Variants in FIZ1 observed in about 807,000 individuals in gnomAD.
FIZ1 encodes the protein flt3-interacting zinc finger protein 1.
Under a neutral mutation model 5.3 loss-of-function variants are expected in FIZ1, and 2 were observed. That is an observed-to-expected ratio of 0.37 (90% CI 0.15 to 1.18). The LOEUF (loss-of-function observed/expected upper bound fraction) is 1.18. FIZ1 is among the 50% of genes most tolerant of loss of function. The probability of loss-of-function intolerance (pLI) is 0.37; values close to 1 mark genes in which losing one functional copy is unlikely to be tolerated. For synonymous variants in FIZ1, 407 were observed against 364.2 expected (o/e 1.12, Z -1.34); for missense variants, 631 against 749.7 (o/e 0.84, Z 1.85).
At chr19:55,597,394 A>G (rs1045630453) in intron 2 of FIZ1, among the ~76,000 whole-genome samples, 178 bp downstream of exon 2, 1 of 152,226 alleles carries the variant, frequency 6.6e-6, no homozygotes, top group African/African-American at 2.4e-5. Flanking sequence ...AATGAGAAAT[A>G]GCGCATGCTT....
intron 1 of FIZ1, 89 bp from the exon 2 acceptor site, chr19:55,597,990 C>A: frequency 7.4e-7 from 1 of 1,349,318 alleles, no homozygotes; most frequent in Non-Finnish European, 9.9e-7. Flanking sequence ...ACCACCTGTC[C>A]CCTGGGAGAC....
At chr19:55,599,355 T>C (rs1172152683) in intron 1 of FIZ1, 119 bp downstream of exon 1, 3 of 152,222 alleles carry the variant, frequency 2.0e-5, no homozygotes, top group Non-Finnish European at 4.4e-5. Context: ...GGGGGGCAGG[T>C]CGGGCAGGCC....
At chr19:55,594,574 G>A (rs1980227391) in intron 2 of FIZ1, among the ~76,000 whole-genome samples, 2 of 150,998 alleles carry the variant, frequency 1.3e-5, no homozygotes, top group South Asian at 4.2e-4. Context: ...GCGGGCGCCT[G>A]TAGTCCCAGC....
At chr19:55,594,808 T>C (rs111998715) in intron 2 of FIZ1, among the ~76,000 whole-genome samples, 12 of 151,908 alleles carry the variant, frequency 7.9e-5, no homozygotes, top group African/African-American at 2.7e-4. Flanking sequence ...GTCTTCTCCC[T>C]TGTCAAGCCC....
Position 55,592,375 on chromosome 19 carries a change from C to G in FIZ1, c.*75G>C, listed in dbSNP as rs547018333. 8.8e-6 allele frequency: 12 copies of G among 1,367,342 alleles called. No individual in the cohort carries two copies. The highest frequency in any genetic ancestry group is 1.1e-5 in the Non-Finnish European group (11 of 1,024,652). The allele number at this position is 1,367,342 out of a possible 1,614,324, so 84.7% of individuals were successfully genotyped here. ...GGATTTGGAGGGCCGGGGCCTCACG[C>G]GCAGTCCCGAGGTCCCCTGGTCCAG... On this transcript the variant is annotated 3_prime_UTR_variant, in exon 3 of 3. Transcript: ENST00000221665. This position sits in a 1 kb window ranked among gnomAD's most constrained non-coding sequence, Gnocchi z 6.9.
At chr19:55,598,563 G>C (rs1395243977) in intron 1 of FIZ1, 1 of 152,476 alleles carries the variant, frequency 6.6e-6, no homozygotes, top group African/African-American at 2.4e-5. Context: ...TTAAGCTGGT[G>C]CACAGCAAAG....
At position 55,593,569 on chromosome 19, in the gene FIZ1, G is replaced by A. The variant is rs1460250505; in HGVS notation, c.372C>T (p.Arg124=). 1 of 1,551,166 alleles carries A rather than the reference G, an allele frequency of 6.4e-7. No homozygotes were observed. Among genetic ancestry groups the A allele is most frequent in the Admixed American group, 2.0e-5 (1 of 50,990 alleles). ...LRFSSRSSLG[R]HLKRQHRGVL... is the part of the protein sequence containing the mutation. Reference sequence around the variant, plus strand: ...CCCCACGGTGCTGGCGCTTGAGGTGGCGGCCCAGGCTGGAGCGTGAGGAGA... The same window carrying A: ...CCCCACGGTGCTGGCGCTTGAGGTGACGGCCCAGGCTGGAGCGTGAGGAGA... Residue 124 remains arginine (R), a synonymous_variant, in exon 3 of 3, where the codon CGC becomes CGT. Transcript: ENST00000221665. This position sits in a 1 kb window ranked among gnomAD's most constrained non-coding sequence, Gnocchi z 6.3.
chr19:55,598,974 C>T (rs1980478548), intron 1 of FIZ1: 1 of 152,762 alleles, frequency 6.5e-6, no homozygotes, highest in South Asian at 2.0e-4. Flanking sequence ...CCTCCTGCTT[C>T]CTGGGCTCCC....
rs1568515303 is a variant in FIZ1, at chr19:55,592,861, G to A, written c.1080C>T (p.Cys360=). The change falls in exon 3 of 3, where the codon TGC becomes TGT. Residue 360 remains cysteine, a synonymous_variant. Coordinates refer to ENST00000221665, the MANE Select transcript of FIZ1 (RefSeq NM_032836.3). This position sits in a 1 kb window ranked among gnomAD's most constrained non-coding sequence, Gnocchi z 6.9. ...EAHSGPATYG[C]GHCGALYAAL... Reference sequence around the variant, plus strand: ...CCGCGTACAGAGCCCCGCAGTGGCCGCAGCCGTAGGTGGCCGGGCCCGAGT... The same window carrying A: ...CCGCGTACAGAGCCCCGCAGTGGCCACAGCCGTAGGTGGCCGGGCCCGAGT... 1.9e-6 allele frequency: 3 copies of A among 1,542,520 alleles called. No homozygotes were observed. The highest frequency in any genetic ancestry group is 1.4e-5 in the African/African-American group (1 of 72,530).
In FIZ1 at chr19:55,592,775, G is replaced by GCCT; in HGVS notation, c.1163_1165dup (p.Glu388dup). On this transcript the variant is annotated inframe_insertion, in exon 3 of 3. Coordinates refer to ENST00000221665, the MANE Select transcript of FIZ1 (RefSeq NM_032836.3). This position sits in a 1 kb window ranked among gnomAD's most constrained non-coding sequence, Gnocchi z 6.9. ...TTCCCTTTCCCGGGCGGCGGTCGCC[G>GCCT]CCTCCTCCCCGCCGCCCTCACCGTG... is the stretch of plus-strand genomic sequence containing the variant. The GCCT allele has an allele frequency of 6.3e-7, 1 of 1,597,366 alleles. No homozygotes were observed. The highest frequency in any genetic ancestry group is 2.2e-5 in the East Asian group (1 of 44,624).
rs1435195545 is a variant in FIZ1 at position 55,593,942 on chromosome 19, T to C, written c.295-296A>G. Among the ~76,000 whole-genome samples, 2 of 151,952 alleles carry C rather than the reference T, an allele frequency of 1.3e-5. No homozygotes were observed. The highest frequency in any genetic ancestry group is 2.4e-5 in the African/African-American group (1 of 41,348). On this transcript the variant is annotated intron_variant, in intron 2 of 2. Coordinates refer to ENST00000221665, the MANE Select transcript of FIZ1 (RefSeq NM_032836.3). This position sits in a 1 kb window ranked among gnomAD's most constrained non-coding sequence, Gnocchi z 6.3. ...AGGCAACACAGGGAAACCTTGTCTC[T>C]ACAAATAATTTTAAAAACTAGCTGG...
rs1980114773 is a variant in FIZ1, at chr19:55,593,098, C to G, written c.843G>C (p.Glu281Asp). 3.0e-6 allele frequency: 4 copies of G among 1,320,394 alleles called. No individual in the cohort carries two copies. The highest frequency in any genetic ancestry group is 3.8e-6 in the Non-Finnish European group (4 of 1,039,288). The allele number at this position is 1,320,394 out of a possible 1,614,324, so 81.8% of individuals were successfully genotyped here. The change falls in exon 3 of 3, where the codon GAG becomes GAC. Residue 281 changes from glutamate (E) to aspartate (D), a missense_variant. Glu to Asp is a conservative substitution (Grantham distance 45). This residue lies in a region of FIZ1 where 463 missense variants were observed against 455.1 expected (regional missense o/e 1.02). Transcript: ENST00000221665. This position sits in a 1 kb window ranked among gnomAD's most constrained non-coding sequence, Gnocchi z 6.3. ...CCGAAGCCAGAGGAGCGTCGCCCGC[C>G]TCCGCAGCGGTGCCTTCGCCCGCCG... is the stretch of plus-strand genomic sequence containing the variant. ...PETAGEGTAA[E>D]AGDAPLASDR...
In FIZ1 at chr19:55,591,656, G is replaced by GT. The variant is rs1710034523; in HGVS notation, c.*793dup. 6.6e-6 allele frequency: 1 copy of GT among 152,540 alleles called. No homozygotes were observed. Among genetic ancestry groups the GT allele is most frequent in the African/African-American group, 2.4e-5 (1 of 41,438 alleles). The allele number at this position is 152,540 out of a possible 1,614,324, so 9.4% of individuals were successfully genotyped here. On this transcript the variant is annotated 3_prime_UTR_variant, in exon 3 of 3. Coordinates refer to ENST00000221665, the MANE Select transcript of FIZ1 (RefSeq NM_032836.3). ...CCACACGCTACAGGAAAAGAGAGGA[G>GT]TGTCCGCCCTATTCACTCTAAGGAA...
intron 2 of FIZ1, among the ~76,000 whole-genome samples, chr19:55,595,101 G>C (rs1487582949): frequency 1.3e-5 from 2 of 152,200 alleles, no homozygotes; most frequent in Non-Finnish European, 2.9e-5. Context: ...GTTGATTTAA[G>C]ATTTTGGAAT....
At chr19:55,596,008 T>A (rs954992051) in intron 2 of FIZ1, among the ~76,000 whole-genome samples, 1 of 152,136 alleles carries the variant, frequency 6.6e-6, no homozygotes, top group Non-Finnish European at 1.5e-5. Context: ...TTTGTTCCCT[T>A]AGCTATTTTT....
Position 55,593,176 on chromosome 19 carries a change from C to T in FIZ1, c.765G>A (p.Pro255=), listed in dbSNP as rs1370665006. 2 of 1,167,392 alleles carry T rather than the reference C, an allele frequency of 1.7e-6. No individual in the cohort carries two copies. The highest frequency in any genetic ancestry group is 2.1e-6 in the Non-Finnish European group (2 of 941,732). The allele number at this position is 1,167,392 out of a possible 1,614,324, so 72.3% of individuals were successfully genotyped here. Residue 255 remains proline, a synonymous_variant, in exon 3 of 3, where the codon CCG becomes CCA. Coordinates refer to ENST00000221665, the MANE Select transcript of FIZ1 (RefSeq NM_032836.3). The surrounding 1 kb of genome is among the most constrained non-coding windows in gnomAD (Gnocchi z 6.3). ...CCCAGGCCTGCGCTGGGGGCGCGCC[C>T]GGGCCCTGCAGGTCGTGCGTCAGCT... ...RHKLTHDLQG[P]GAPPAQAWAA...
rs1458704990 is a variant in FIZ1 at position 55,593,784 on chromosome 19, A to G, written c.295-138T>C. 4.5e-5 allele frequency: 35 copies of G among 776,924 alleles called. No homozygotes were observed. The Admixed American group carries it at 7.3e-4, about 16-fold the overall frequency. The allele number at this position is 776,924 out of a possible 1,614,324, so 48.1% of individuals were successfully genotyped here. A position where few individuals can be genotyped will look rare whatever the true frequency, so the allele number is the denominator to read the frequency against. The stretch of plus-strand genomic sequence containing the variant: ...CATGATCTAGGGAAACGCTCGTCCT[A>G]TCACTCTCTGTTTGGGGTCACGGTA... On this transcript the variant is annotated intron_variant, in intron 2 of 2. Transcript: ENST00000221665. This position sits in a 1 kb window ranked among gnomAD's most constrained non-coding sequence, Gnocchi z 6.3.
chr19:55,593,745 C>T lies in FIZ1; in HGVS notation c.295-99G>A, dbSNP rs1980176579. 9.3e-7 allele frequency: 1 copy of T among 1,079,640 alleles called. No homozygotes were observed. Among genetic ancestry groups the T allele is most frequent in the Non-Finnish European group, 1.4e-6 (1 of 727,944 alleles). The allele number at this position is 1,079,640 out of a possible 1,614,324, so 66.9% of individuals were successfully genotyped here. On this transcript the variant is annotated intron_variant, in intron 2 of 2. Transcript: ENST00000221665. This position sits in a 1 kb window ranked among gnomAD's most constrained non-coding sequence, Gnocchi z 6.3. ...GAGGGTTGTGGCACAAGCTCTCTGT[C>T]ACACCTACAGGGCCATGATCTAGGG...
In FIZ1 at chr19:55,593,174, C is replaced by G; in HGVS notation, c.767G>C (p.Gly256Ala). 8.6e-7 allele frequency: 1 copy of G among 1,164,626 alleles called. No individual in the cohort carries two copies. Among genetic ancestry groups the G allele is most frequent in the Non-Finnish European group, 1.1e-6 (1 of 940,154 alleles). 72.1% of individuals were successfully genotyped at this position (1,164,626 alleles called of 1,614,324 possible). The change falls in exon 3 of 3, where the codon GGC becomes GCC. Residue 256 changes from glycine to alanine, a missense_variant. Physicochemically the swap from Gly to Ala is moderately conservative, Grantham distance 60 (BLOSUM62 0). Transcript: ENST00000221665. The surrounding 1 kb of genome is among the most constrained non-coding windows in gnomAD (Gnocchi z 6.3). ...HKLTHDLQGP[G>A]APPAQAWAAG... ...GGCCCAGGCCTGCGCTGGGGGCGCGCCCGGGCCCTGCAGGTCGTGCGTCAG... is the reference window on the plus strand; with the variant it reads ...GGCCCAGGCCTGCGCTGGGGGCGCGGCCGGGCCCTGCAGGTCGTGCGTCAG...
Sources: gnomAD v4.1 joint callset for allele counts (sites outside exome capture counted in the v4.1 genomes callset) on GRCh38, gnomAD v4.1.1 for gene constraint, gnomAD v4.1.1 regional missense constraint, Gnocchi (gnomAD v3.1) non-coding constraint, MANE v1.5 for transcripts, NCBI Gene and HGNC (gene_info 2026-07-23, HGNC 2026-07-21) for gene names.